The following ZCCHC10 variants were observed in gnomAD, a reference collection of about 807,000 sequenced individuals.
The protein encoded by ZCCHC10 is zinc finger CCHC-type containing 10.
A neutral mutation model predicts 19.5 loss-of-function variants in ZCCHC10; 16 were observed. That is an observed-to-expected ratio of 0.82 (90% CI 0.56 to 1.25). ZCCHC10 has a LOEUF of 1.25. Among genes scored for constraint, ZCCHC10 ranks in the 50% most tolerant of loss-of-function variants. The pLI, the probability that ZCCHC10 is intolerant of heterozygous loss-of-function variation, is 0.00. For synonymous variants in ZCCHC10, 67 were observed against 72.5 expected, an observed-to-expected ratio of 0.92 and a Z score of 0.38; for missense variants, 197 against 201.0, an observed-to-expected ratio of 0.98 and a Z score of 0.12.
At position 133,007,179 on chromosome 5, in the gene ZCCHC10, T is replaced by C. The variant is rs187433569; in HGVS notation, c.108-259A>G. 4.6e-3 allele frequency among the ~76,000 whole-genome samples: 701 copies of C among 152,226 alleles called. 4 individuals carry two copies. Among genetic ancestry groups the C allele is most frequent in the Non-Finnish European group, 5.8e-3 (394 of 68,022 alleles). On this transcript the variant is annotated intron_variant, in intron 2 of 4. Transcript: ENST00000509437. ...AACCTGGTGGGAGGTAACTTAATCA[T>C]AGGGGCAAGTCTTTCCTGTGCTGTT...
intron 3 of ZCCHC10, among the ~76,000 whole-genome samples, chr5:133,000,705 C>T (rs962311490): frequency 5.4e-5 from 8 of 148,694 alleles, no homozygotes; most frequent in East Asian, 2.0e-4. Context: ...TGCAGTGGCG[C>T]GATCTTGGCT....
chr5:133,007,046 A>G, intron 2 of ZCCHC10, 126 bp from the exon 3 acceptor site: 1 of 923,158 alleles, frequency 1.1e-6, no homozygotes. Flanking sequence ...AAAAATCAAC[A>G]TTTTACCCTT....
In ZCCHC10 at chr5:133,026,522, G is replaced by A. The variant is rs994987723; in HGVS notation, c.16C>T (p.His6Tyr). Residue 6 changes from histidine (H) to tyrosine (Y), a missense_variant, in exon 1 of 5, where the codon CAT becomes TAT. By Grantham distance (83) the His-to-Tyr change is moderately conservative. Coordinates refer to ENST00000509437, the MANE Select transcript of ZCCHC10 (RefSeq NM_001300816.3). ...GCTTGTCTCCGGGCTATTAGCCGAT[G>A]CATGGGAGTCGCCATCTTAGCGCGG... MATPM[H>Y]RLIARRQAFD... 6.2e-6 allele frequency: 10 copies of A among 1,613,734 alleles called. No homozygotes were observed. The South Asian group carries it at 8.8e-5, about 14-fold the overall frequency.
intron 2 of ZCCHC10, among the ~76,000 whole-genome samples, chr5:133,013,325 T>C (rs1326627015): frequency 1.3e-5 from 2 of 148,474 alleles, no homozygotes; most frequent in Non-Finnish European, 3.0e-5. Flanking sequence ...AAAGTATTCA[T>C]TAGTAATCAA....
chr5:133,020,393 G>T (rs758273976), intron 2 of ZCCHC10, among the ~76,000 whole-genome samples: 1 of 151,712 alleles, frequency 6.6e-6, no homozygotes, highest in Middle Eastern at 3.4e-3. Flanking sequence ...GCAAGGAACC[G>T]AGATCACGCC....
chr5:132,998,405 C>A lies in ZCCHC10; in HGVS notation c.*178G>T. 1 of 532,458 alleles carries A rather than the reference C, an allele frequency of 1.9e-6. No homozygotes were observed. The highest frequency in any genetic ancestry group is 3.2e-6 in the Non-Finnish European group (1 of 308,856). 33.0% of individuals were successfully genotyped at this position (532,458 alleles called of 1,614,324 possible). A position where few individuals can be genotyped will look rare whatever the true frequency, so the allele number is the denominator to read the frequency against. On this transcript the variant is annotated 3_prime_UTR_variant, in exon 5 of 5. Transcript: ENST00000509437. The stretch of plus-strand genomic sequence containing the variant: ...CAAGATTCACCCTTCAAATAAAAGT[C>A]TCTCTCTATAAGCCATTATTAATAT...
At chr5:133,002,665 C>T (rs1475219746) in intron 3 of ZCCHC10, among the ~76,000 whole-genome samples, 4 of 152,088 alleles carry the variant, frequency 2.6e-5, no homozygotes, top group African/African-American at 4.8e-5. Context: ...AAAAGTTCTA[C>T]AATAATTTAA....
intron 1 of ZCCHC10, among the ~76,000 whole-genome samples, chr5:133,023,284 C>A (rs1009789714): frequency 6.6e-6 from 1 of 151,888 alleles, no homozygotes; most frequent in Non-Finnish European, 1.5e-5. Flanking sequence ...TGCCTAGACT[C>A]CATAATTTAC....
chr5:133,011,539 T>C (rs925731173), intron 2 of ZCCHC10: 1 of 149,284 alleles, frequency 6.7e-6, no homozygotes, highest in South Asian at 2.1e-4. Context: ...GGCAGGAGAA[T>C]TGCTTGAACC....
intron 2 of ZCCHC10, among the ~76,000 whole-genome samples, chr5:133,022,457 C>CT (rs752460017): frequency 0.032 from 4,523 of 141,480 alleles, 93 homozygotes; most frequent in African/African-American, 0.054. Flanking sequence ...TATTGTTCAA[C>CT]TTTTTTTTTT....
At chr5:133,025,372 C>T (rs1764606887) in intron 1 of ZCCHC10, among the ~76,000 whole-genome samples, 1 of 151,578 alleles carries the variant, frequency 6.6e-6, no homozygotes, top group African/African-American at 2.4e-5. Flanking sequence ...GGCATGGTGG[C>T]GGGCGCCTGT....
At chr5:133,012,807 T>A (rs971981075) in intron 2 of ZCCHC10, among the ~76,000 whole-genome samples, 21 of 151,920 alleles carry the variant, frequency 1.4e-4, no homozygotes, top group Non-Finnish European at 2.8e-4. Flanking sequence ...TCCCAGCACT[T>A]TGGGAGGCCG....
In ZCCHC10 at chr5:132,998,470, G is replaced by A. The variant is rs1561528924; in HGVS notation, c.*113C>T. 1 of 904,692 alleles carries A rather than the reference G, an allele frequency of 1.1e-6. No homozygotes were observed. Among genetic ancestry groups the A allele is most frequent in the Non-Finnish European group, 1.6e-6 (1 of 610,554 alleles). The allele number at this position is 904,692 out of a possible 1,614,324, so 56.0% of individuals were successfully genotyped here. A position where few individuals can be genotyped will look rare whatever the true frequency, so the allele number is the denominator to read the frequency against. On this transcript the variant is annotated 3_prime_UTR_variant, in exon 5 of 5. Transcript: ENST00000509437. The stretch of plus-strand genomic sequence containing the variant: ...CAATGTAAAACATTTAGAAACTTTT[G>A]AATTCTAGAAATGTTCACCAGTTAA...
chr5:132,998,585 A>G lies in ZCCHC10; in HGVS notation c.577T>C (p.Ter193GlnextTer11), dbSNP rs761553302. Residue 193 changes from the stop codon to glutamine (Q), a stop_lost, in exon 5 of 5, where the codon TAG becomes CAG. Transcript: ENST00000509437. ...DEPPKKKKKK* is the reference protein window; with the variant it reads ...DEPPKKKKKKQ ...AGTCCAATATGAATGGAGCAACTCT[A>G]TTTCTTTTTCTTCTTCTTTGGTGGT... 3.1e-6 allele frequency: 5 copies of G among 1,612,114 alleles called. No individual in the cohort carries two copies. Among genetic ancestry groups the G allele is most frequent in the Admixed American group, 3.3e-5 (2 of 59,962 alleles).
At chr5:133,003,287 G>T in intron 3 of ZCCHC10, 1 of 458,222 alleles carries the variant, frequency 2.2e-6, no homozygotes, top group East Asian at 6.1e-5. Context: ...TGAACAAACT[G>T]GGTCCCAATG....
intron 3 of ZCCHC10, among the ~76,000 whole-genome samples, chr5:133,000,836 T>C (rs1042136295): frequency 1.3e-5 from 2 of 151,270 alleles, no homozygotes; most frequent in Non-Finnish European, 2.9e-5. Context: ...AGAGACAGGG[T>C]TTTATCATAC....
At chr5:133,020,255 G>A (rs1764213401) in intron 2 of ZCCHC10, among the ~76,000 whole-genome samples, 2 of 151,832 alleles carry the variant, frequency 1.3e-5, no homozygotes, top group South Asian at 4.2e-4. Context: ...TTGATACCAG[G>A]AGTTCAAGAC....
intron 2 of ZCCHC10, among the ~76,000 whole-genome samples, chr5:133,007,812 T>C (rs1397343004): frequency 1.3e-5 from 2 of 152,160 alleles, no homozygotes; most frequent in African/African-American, 4.8e-5. Flanking sequence ...TAAGATACAG[T>C]TGAATTCAAA....
At chr5:133,020,151 T>TGCCTGTACAAAAATTGGGCAACATAGC (rs1764207835) in intron 2 of ZCCHC10, among the ~76,000 whole-genome samples, 1 of 151,542 alleles carries the variant, frequency 6.6e-6, no homozygotes. Flanking sequence ...GGCAACATAG[T>TGCCTGTACAAAAATTGGGCAACATAGC]GACACCCTGC....
Sources: allele counts gnomAD v4.1 joint callset (sites outside exome capture counted in the v4.1 genomes callset), GRCh38; gene constraint gnomAD v4.1.1; transcripts MANE v1.5; gene names NCBI Gene and HGNC (gene_info 2026-07-23, HGNC 2026-07-21).